Variants in PPFIBP1 observed in about 807,000 individuals in gnomAD.
The protein encoded by PPFIBP1 is PPFIB scaffold protein 1, also known as liprin-beta-1.
PPFIBP1 carries 112 observed loss-of-function variants against 137.8 expected under a neutral mutation model. The ratio of observed to expected loss-of-function variants is 0.81; its 90% CI spans 0.70 to 0.95. PPFIBP1 has a LOEUF of 0.95. Among genes scored for constraint, PPFIBP1 ranks in the 40% least tolerant of loss-of-function variants. The pLI is 0.00. For missense variants in PPFIBP1, 1,083 were observed against 1,196.6 expected, an observed-to-expected ratio of 0.91 and a Z score of 1.40; for synonymous variants, 378 against 417.3, an observed-to-expected ratio of 0.91 and a Z score of 1.15.
chr12:27,592,817 T>G lies in PPFIBP1; in HGVS notation c.-36+14578T>G. 4.6e-6 allele frequency: 3 copies of G among 646,266 alleles called. No homozygotes were observed. In the South Asian group the frequency reaches 5.6e-5, roughly 12 times the overall value. 40.0% of individuals were successfully genotyped at this position (646,266 alleles called of 1,614,324 possible). Reference sequence around the variant, plus strand: ...CAGCAGCCAAGTCAACATTTACTCATTTATGGAACTCACATCCTTTTAGCA... The same window carrying G: ...CAGCAGCCAAGTCAACATTTACTCAGTTATGGAACTCACATCCTTTTAGCA... On this transcript the variant is annotated intron_variant, in intron 2 of 29. Coordinates refer to ENST00000228425, the MANE Select transcript of PPFIBP1 (RefSeq NM_003622.4).
At chr12:27,589,655 C>G (rs2052237044) in intron 2 of PPFIBP1, among the ~76,000 whole-genome samples, 1 of 152,162 alleles carries the variant, frequency 6.6e-6, no homozygotes, top group Non-Finnish European at 1.5e-5. Flanking sequence ...TGAATAAACA[C>G]AAGTATGTCA....
At chr12:27,548,391 G>A (rs1184308168) in intron 1 of PPFIBP1, 1 of 152,164 alleles carries the variant, frequency 6.6e-6, no homozygotes, top group Non-Finnish European at 1.5e-5. Context: ...CACCTTATGT[G>A]ATATTTTAGT....
chr12:27,640,295 C>T (rs973148261), intron 4 of PPFIBP1, among the ~76,000 whole-genome samples: 1 of 152,160 alleles, frequency 6.6e-6, no homozygotes, highest in Non-Finnish European at 1.5e-5. Flanking sequence ...GAAAATGTGA[C>T]AAGAACAATA....
Position 27,676,572 on chromosome 12 carries a change from A to T in PPFIBP1, c.1555A>T (p.Lys519Ter). 1 of 1,598,328 alleles carries T rather than the reference A, an allele frequency of 6.3e-7. No homozygotes were observed. ...GRGFFKIKSN[K>*]RTASAPNLDR... The stretch of plus-strand genomic sequence containing the variant: ...GGGCTTTTTTAAAATCAAAAGTAAC[A>T]AGAGAACAGCAAGTGCACCAAACTT... Residue 519 changes from lysine to a stop codon, truncating the protein, a stop_gained, in exon 18 of 30, where the codon AAG becomes TAG. Transcript: ENST00000228425. LOFTEE classifies it high-confidence loss of function.
chr12:27,555,563 C>A (rs959329063), intron 1 of PPFIBP1, among the ~76,000 whole-genome samples: 4 of 152,176 alleles, frequency 2.6e-5, no homozygotes, highest in Non-Finnish European at 4.4e-5. Flanking sequence ...AGAAATTGTG[C>A]TTTTCTTTGG....
intron 1 of PPFIBP1, among the ~76,000 whole-genome samples, chr12:27,531,459 A>ATTTT (rs11434409): frequency 3.5e-5 from 5 of 144,892 alleles, no homozygotes; most frequent in African/African-American, 1.3e-4. Flanking sequence ...TGAGCAGCTA[A>ATTTT]TTTTTTTTTT....
intron 2 of PPFIBP1, among the ~76,000 whole-genome samples, chr12:27,590,563 A>G (rs1490652250): frequency 6.6e-6 from 1 of 152,196 alleles, no homozygotes; most frequent in Non-Finnish European, 1.5e-5. Flanking sequence ...GGATCTATAA[A>G]GAGGGCTGAA....
intron 1 of PPFIBP1, among the ~76,000 whole-genome samples, chr12:27,562,132 G>C (rs1475446175): frequency 6.6e-6 from 1 of 152,056 alleles, no homozygotes; most frequent in Admixed American, 6.5e-5. Context: ...TCTCTCCATA[G>C]TATCACTGTC....
Position 27,630,778 on chromosome 12 carries a change from C to T in PPFIBP1, c.-35-2584C>T, listed in dbSNP as rs569537762. ...CCTCACCTCCCTCTCACTCTTCCTGCTTCTGAGTCTCTGCTGTTATATACC... is the reference window on the plus strand; with the variant it reads ...CCTCACCTCCCTCTCACTCTTCCTGTTTCTGAGTCTCTGCTGTTATATACC... On this transcript the variant is annotated intron_variant, in intron 2 of 29. Coordinates refer to ENST00000228425, the MANE Select transcript of PPFIBP1 (RefSeq NM_003622.4). Among the ~76,000 whole-genome samples, 25 of 152,304 alleles carry T rather than the reference C, an allele frequency of 1.6e-4. No individual in the cohort carries two copies. The South Asian group carries it at 4.1e-3, about 25-fold the overall frequency.
intron 2 of PPFIBP1, among the ~76,000 whole-genome samples, chr12:27,624,757 G>T (rs969429045): frequency 6.6e-6 from 1 of 152,148 alleles, no homozygotes; most frequent in East Asian, 1.9e-4. Context: ...GTGTGCATGT[G>T]TGTGTTTGTA....
intron 2 of PPFIBP1, among the ~76,000 whole-genome samples, chr12:27,582,949 C>CTT (rs750827947): frequency 2.5e-4 from 38 of 152,058 alleles, no homozygotes; most frequent in Non-Finnish European, 5.0e-4. Context: ...GCTTTTCTTG[C>CTT]TTGTTGTTTG....
chr12:27,530,629 G>A (rs537210515), intron 1 of PPFIBP1, among the ~76,000 whole-genome samples: 1 of 152,208 alleles, frequency 6.6e-6, no homozygotes, highest in South Asian at 2.1e-4. Context: ...CTCCTTTTCT[G>A]TAACTGAACC....
chr12:27,526,043 A>G (rs1363639519), intron 1 of PPFIBP1, among the ~76,000 whole-genome samples: 2 of 152,230 alleles, frequency 1.3e-5, no homozygotes, highest in African/African-American at 2.4e-5. Flanking sequence ...TTTTCTATTT[A>G]TGTTCTATGG....
rs1262055296 is a variant in PPFIBP1, at chr12:27,650,828, T to G, written c.603+687T>G. Among the ~76,000 whole-genome samples, 6 of 152,200 alleles carry G rather than the reference T, an allele frequency of 3.9e-5. No homozygotes were observed. In the South Asian group the frequency reaches 6.2e-4, roughly 16 times the overall value. On this transcript the variant is annotated intron_variant, in intron 7 of 29. Transcript: ENST00000228425. ...GCAAGTTCTTAACCTCTCTGTTGGT[T>G]TTTGATGGAGACAGAGAGCATATCC... is the stretch of plus-strand genomic sequence containing the variant.
At chr12:27,634,644 C>A (rs768659263) in intron 3 of PPFIBP1, among the ~76,000 whole-genome samples, 1 of 152,302 alleles carries the variant, frequency 6.6e-6, no homozygotes, top group African/African-American at 2.4e-5. Flanking sequence ...CACCTCACAC[C>A]AAAGCCCACC....
At chr12:27,526,989 G>C (rs1357211050) in intron 1 of PPFIBP1, among the ~76,000 whole-genome samples, 2 of 152,154 alleles carry the variant, frequency 1.3e-5, no homozygotes, top group Non-Finnish European at 2.9e-5. Context: ...CCGAGGGACA[G>C]TTAATTAACT....
At chr12:27,584,071 T>G (rs2051419690) in intron 2 of PPFIBP1, 1 of 152,250 alleles carries the variant, frequency 6.6e-6, no homozygotes, top group South Asian at 2.1e-4. Context: ...TTGACCACAG[T>G]GTTTTTGCCA....
intron 26 of PPFIBP1, among the ~76,000 whole-genome samples, 162 bp from the exon 27 acceptor site, chr12:27,688,853 T>C (rs2061348276): frequency 6.6e-6 from 1 of 152,170 alleles, no homozygotes; most frequent in African/African-American, 2.4e-5. Context: ...AGAAAAGATA[T>C]GTAAATTAAA....
At chr12:27,671,313 A>G in intron 13 of PPFIBP1, 118 bp from the exon 14 acceptor site, 1 of 592,750 alleles carries the variant, frequency 1.7e-6, no homozygotes, top group Non-Finnish European at 3.0e-6. Context: ...TACAGTTCTG[A>G]ACACTGATTA....
Sources: gnomAD v4.1 joint callset for allele counts (sites outside exome capture counted in the v4.1 genomes callset) on GRCh38, gnomAD v4.1.1 for gene constraint, MANE v1.5 for transcripts, NCBI Gene and HGNC (gene_info 2026-07-23, HGNC 2026-07-21) for gene names.